CNTNAP5: variants seen among roughly 807,000 people sequenced by gnomAD.
The protein encoded by CNTNAP5 is contactin associated protein family member 5.
Under a neutral mutation model 150.2 loss-of-function variants are expected in CNTNAP5, and 72 were observed. That is an observed-to-expected ratio of 0.48 (90% CI 0.40 to 0.58). The LOEUF (loss-of-function observed/expected upper bound fraction) is 0.58, where lower values mean the gene tolerates loss of function less well. Ranked by LOEUF, CNTNAP5 falls within the 20% of genes least tolerant of loss-of-function variation. CNTNAP5 has a pLI of 0.00. For synonymous variants in CNTNAP5, 672 were observed against 619.8 expected (o/e 1.08, Z -1.25); for missense variants, 1,636 against 1,626.2 (o/e 1.01, Z -0.10).
intron 6 of CNTNAP5, among the ~76,000 whole-genome samples, chr2:124,454,894 C>T (rs537817853): frequency 3.3e-5 from 5 of 152,098 alleles, no homozygotes; most frequent in African/African-American, 1.2e-4. Context: ...ACAGCGAAAG[C>T]AGGGCTAAGA....
intron 3 of CNTNAP5, among the ~76,000 whole-genome samples, chr2:124,339,865 CT>C: frequency 6.6e-6 from 1 of 151,982 alleles, no homozygotes; most frequent in Non-Finnish European, 1.5e-5. Context: ...TTTTCTTCCC[CT>C]GAGTCTGCCT....
chr2:124,670,258 A>T (rs535387743), intron 13 of CNTNAP5, among the ~76,000 whole-genome samples: 1 of 129,132 alleles, frequency 7.7e-6, no homozygotes, highest in Non-Finnish European at 1.6e-5. Context: ...TTCTTTCTTA[A>T]GAGTTATGTT....
chr2:124,865,503 T>G, intron 20 of CNTNAP5, 67 bp downstream of exon 20: 2 of 1,442,328 alleles, frequency 1.4e-6, no homozygotes, highest in Non-Finnish European at 1.9e-6. Context: ...TTTTCTAAGC[T>G]TCTACCCCAT....
intron 13 of CNTNAP5, among the ~76,000 whole-genome samples, chr2:124,706,807 G>A (rs370030022): frequency 0.019 from 225 of 11,630 alleles, 1 homozygote; most frequent in African/African-American, 0.042. Context: ...GGAGGAGGAG[G>A]AGGAGGAGGA....
chr2:124,421,371 G>A (rs1692099627), intron 4 of CNTNAP5, among the ~76,000 whole-genome samples: 1 of 152,322 alleles, frequency 6.6e-6, no homozygotes, highest in African/African-American at 2.4e-5. Context: ...GTAAACAGCA[G>A]CACTCTCCAT....
At chr2:124,745,103 G>T (rs1229215331) in intron 13 of CNTNAP5, among the ~76,000 whole-genome samples, 1 of 152,068 alleles carries the variant, frequency 6.6e-6, no homozygotes, top group African/African-American at 2.4e-5. Flanking sequence ...ATTAAGAGTT[G>T]GGCTGCTAAT....
chr2:124,561,609 C>T (rs546279093), intron 10 of CNTNAP5, among the ~76,000 whole-genome samples: 1 of 152,260 alleles, frequency 6.6e-6, no homozygotes, highest in East Asian at 1.9e-4. Flanking sequence ...TAAATCTTTC[C>T]TGTACTTTAG....
intron 3 of CNTNAP5, among the ~76,000 whole-genome samples, chr2:124,287,767 T>C (rs1688190090): frequency 6.6e-6 from 1 of 152,198 alleles, no homozygotes. Context: ...GAGTCTGCAA[T>C]ATTTCTATAG....
chr2:124,568,454 A>G (rs1243293685), intron 11 of CNTNAP5, among the ~76,000 whole-genome samples: 1 of 152,234 alleles, frequency 6.6e-6, no homozygotes, highest in Non-Finnish European at 1.5e-5. Flanking sequence ...CTAGTCATTC[A>G]TTCCTGAAGG....
intron 3 of CNTNAP5, among the ~76,000 whole-genome samples, chr2:124,312,795 C>G (rs1292852360): frequency 6.6e-6 from 1 of 152,204 alleles, no homozygotes; most frequent in African/African-American, 2.4e-5. Context: ...TGGTCTCCAT[C>G]TCCTGACCTC....
intron 3 of CNTNAP5, among the ~76,000 whole-genome samples, chr2:124,341,331 A>C (rs909085632): frequency 1.3e-5 from 2 of 152,090 alleles, no homozygotes; most frequent in African/African-American, 4.8e-5. Context: ...GCTGCTACTA[A>C]GTCTCTTTCA....
intron 22 of CNTNAP5, among the ~76,000 whole-genome samples, chr2:124,909,123 G>C (rs1284916326): frequency 6.6e-6 from 1 of 152,078 alleles, no homozygotes; most frequent in African/African-American, 2.4e-5. Context: ...TAATGTCCTG[G>C]ACCTTCACCA....
chr2:124,191,488 T>C (rs1035258021), intron 1 of CNTNAP5, among the ~76,000 whole-genome samples: 1 of 152,072 alleles, frequency 6.6e-6, no homozygotes, highest in African/African-American at 2.4e-5. Context: ...CCAAATTATA[T>C]ATTATATATA....
At chr2:124,334,361 T>A (rs947604918) in intron 3 of CNTNAP5, among the ~76,000 whole-genome samples, 1 of 151,896 alleles carries the variant, frequency 6.6e-6, no homozygotes, top group Non-Finnish European at 1.5e-5. Context: ...AAAGAACAAA[T>A]CATAGAAGAG....
intron 1 of CNTNAP5, among the ~76,000 whole-genome samples, chr2:124,128,990 A>G (rs969735741): frequency 6.6e-6 from 1 of 152,060 alleles, no homozygotes. Context: ...CAGCACACCA[A>G]TATGGCACAT....
intron 6 of CNTNAP5, among the ~76,000 whole-genome samples, chr2:124,453,504 A>G (rs1574004836): frequency 6.6e-6 from 1 of 152,314 alleles, no homozygotes; most frequent in Middle Eastern, 3.4e-3. Context: ...CTAGAGAACT[A>G]GATATCCAAA....
At position 124,510,281 on chromosome 2, in the gene CNTNAP5, ATATC is replaced by A. The variant is rs1365128463; in HGVS notation, c.1327+5729_1327+5732del. ...TCTATATATCTATATATCTATATCT[ATATC>A]TATATATCTATATATCTATATATAT... On this transcript the variant is annotated intron_variant, in intron 8 of 23. Coordinates refer to ENST00000682447, the MANE Select transcript of CNTNAP5 (RefSeq NM_001367498.1). Among the ~76,000 whole-genome samples, 23 of 10,982 alleles carry A rather than the reference ATATC, an allele frequency of 2.1e-3. 1 individual carries two copies. In the Admixed American group the frequency reaches 0.041, roughly 20 times the overall value. The allele number at this position is 10,982 out of a possible 152,430, so 7.2% of individuals were successfully genotyped here.
intron 1 of CNTNAP5, among the ~76,000 whole-genome samples, chr2:124,175,407 A>G (rs1334855048): frequency 2.0e-5 from 3 of 152,142 alleles, no homozygotes; most frequent in Admixed American, 6.5e-5. Flanking sequence ...TTTTTTGCCA[A>G]ATAATATCCG....
At chr2:124,492,436 G>A (rs139986136) in intron 7 of CNTNAP5, among the ~76,000 whole-genome samples, 10 of 152,274 alleles carry the variant, frequency 6.6e-5, no homozygotes, top group Non-Finnish European at 1.0e-4. Flanking sequence ...GTTGATCTCT[G>A]TGTCTGTTTG....
Sources: gnomAD v4.1 joint callset for allele counts (sites outside exome capture counted in the v4.1 genomes callset) on GRCh38, gnomAD v4.1.1 for gene constraint, MANE v1.5 for transcripts, NCBI Gene and HGNC (gene_info 2026-07-23, HGNC 2026-07-21) for gene names.